DNAH6: variants seen among roughly 807,000 people sequenced by gnomAD.
The protein encoded by DNAH6 is dynein axonemal heavy chain 6.
A neutral mutation model predicts 491.4 loss-of-function variants in DNAH6; 340 were observed. The observed-to-expected ratio is 0.69, with a 90% CI of 0.63 to 0.76. DNAH6 has a LOEUF of 0.76. Among genes scored for constraint, DNAH6 ranks in the 30% least tolerant of loss-of-function variants. The pLI, the probability that DNAH6 is intolerant of heterozygous loss-of-function variation, is 0.00. For missense variants in DNAH6, 4,443 were observed against 4,972.2 expected (o/e 0.89, Z 3.20); for synonymous variants, 1,603 against 1,686.1 (o/e 0.95, Z 1.21).
In DNAH6 at chr2:84,648,954, A is replaced by G. The variant is rs147700743; in HGVS notation, c.5079-4365A>G. On this transcript the variant is annotated intron_variant, in intron 33 of 76. Coordinates refer to ENST00000389394, the MANE Select transcript of DNAH6 (RefSeq NM_001370.2). ...AGAGTCGATGAACGTGGCAAACATT[A>G]TTGTCTTATTTTAAGAAATTGCCAC... 1.8e-3 allele frequency among the ~76,000 whole-genome samples: 276 copies of G among 152,278 alleles called. 1 individual carries two copies. The highest frequency in any genetic ancestry group is 6.5e-3 in the African/African-American group (272 of 41,556).
At chr2:84,527,877 G>T (rs796472994) in intron 3 of DNAH6, among the ~76,000 whole-genome samples, 109 of 152,276 alleles carry the variant, frequency 7.2e-4, no homozygotes, top group African/African-American at 2.5e-3. Flanking sequence ...TGCCAGCTAT[G>T]TTAATAGGCA....
At chr2:84,486,096 T>C in the DNAH6 span, among the ~76,000 whole-genome samples, 1 of 152,172 alleles carries the variant, frequency 6.6e-6, no homozygotes, top group Non-Finnish European at 1.5e-5. Flanking sequence ...TGTGATAATA[T>C]GGAAAATATT....
intron 62 of DNAH6, among the ~76,000 whole-genome samples, chr2:84,744,111 C>G (rs1219554400): frequency 2.0e-5 from 3 of 152,088 alleles, no homozygotes; most frequent in Non-Finnish European, 2.9e-5. Context: ...GAACACTACC[C>G]CAAGGCCATG....
intron 37 of DNAH6, among the ~76,000 whole-genome samples, chr2:84,660,574 A>C (rs190703400): frequency 1.2e-3 from 190 of 152,260 alleles, no homozygotes; most frequent in Non-Finnish European, 2.2e-3. Flanking sequence ...TAGTGGGTAG[A>C]GGTTTCATGA....
At chr2:84,468,219 A>G in the DNAH6 span, among the ~76,000 whole-genome samples, 3 of 152,364 alleles carry the variant, frequency 2.0e-5, no homozygotes, top group South Asian at 6.2e-4. Flanking sequence ...GCAATTAATT[A>G]GAGTTTTTTT....
chr2:84,744,644 A>G (rs1400184124), intron 62 of DNAH6, among the ~76,000 whole-genome samples: 3 of 151,884 alleles, frequency 2.0e-5, no homozygotes, highest in African/African-American at 7.3e-5. Flanking sequence ...ACATATTTTT[A>G]TGCTATTTTC....
chr2:84,502,158 T>C, the DNAH6 span, among the ~76,000 whole-genome samples: 2 of 152,170 alleles, frequency 1.3e-5, no homozygotes, highest in Non-Finnish European at 2.9e-5. Flanking sequence ...TAGGCACTTA[T>C]AGCTATAAAC....
chr2:84,486,111 C>T, the DNAH6 span, among the ~76,000 whole-genome samples: 2 of 152,098 alleles, frequency 1.3e-5, no homozygotes, highest in Non-Finnish European at 2.9e-5. Context: ...AATATTTTAT[C>T]TTAGCTGGTA....
intron 2 of DNAH6, among the ~76,000 whole-genome samples, chr2:84,518,503 T>C (rs148927440): frequency 1.8e-3 from 276 of 152,354 alleles, no homozygotes; most frequent in African/African-American, 6.4e-3. Flanking sequence ...CTTGGATAAT[T>C]ATAAACGCAT....
chr2:84,745,391 C>G, intron 63 of DNAH6, 142 bp downstream of exon 63: 2 of 622,842 alleles, frequency 3.2e-6, no homozygotes, highest in South Asian at 7.0e-5. Context: ...ATGGGCCGAG[C>G]GCCGTGGCTC....
intron 37 of DNAH6, among the ~76,000 whole-genome samples, chr2:84,660,967 A>G (rs1172325434): frequency 6.6e-6 from 1 of 152,168 alleles, no homozygotes; most frequent in African/African-American, 2.4e-5. Context: ...AAATATAGCT[A>G]TAAATTATAT....
rs575159103 is a variant in DNAH6 at position 84,795,776 on chromosome 2, A to G, written c.11240-530A>G. On this transcript the variant is annotated intron_variant, in intron 68 of 76. Coordinates refer to ENST00000389394, the MANE Select transcript of DNAH6 (RefSeq NM_001370.2). The stretch of plus-strand genomic sequence containing the variant: ...CTGTGGAAAGAGAGATGGGATACCA[A>G]TCAGTTATAATTCCTTATAATTACT... 7.9e-5 allele frequency among the ~76,000 whole-genome samples: 12 copies of G among 152,366 alleles called. No homozygotes were observed. The East Asian group carries it at 2.3e-3, about 29-fold the overall frequency.
intron 51 of DNAH6, 53 bp from the exon 52 acceptor site, chr2:84,705,433 G>A: frequency 7.1e-7 from 1 of 1,414,362 alleles, no homozygotes; most frequent in Non-Finnish European, 9.4e-7. Context: ...ACATTCTTTT[G>A]TTCTTATATT....
intron 55 of DNAH6, among the ~76,000 whole-genome samples, chr2:84,709,757 G>A (rs544839634): frequency 6.6e-6 from 1 of 152,266 alleles, no homozygotes; most frequent in South Asian, 2.1e-4. Context: ...AAGTGCTCCC[G>A]TACTTGATTT....
rs939977374 is a variant in DNAH6 at position 84,709,357 on chromosome 2, G to C, written c.9063G>C (p.Trp3021Cys). Reference protein sequence around the residue: ...AQYRQSLIECWIQDCQSLEIP... With the variant: ...AQYRQSLIECCIQDCQSLEIP... ...CCCTTCTACAGCTTATAGAGTGTTG[G>C]ATCCAGGACTGTCAGTCTCTGGAGA... Residue 3021 changes from tryptophan to cysteine, a missense_variant, in exon 55 of 77, where the codon TGG becomes TGC. By Grantham distance (215) the Trp-to-Cys change is radical (BLOSUM62 -2). Transcript: ENST00000389394. 4 of 1,551,572 alleles carry C rather than the reference G, an allele frequency of 2.6e-6. No individual in the cohort carries two copies. Among genetic ancestry groups the C allele is most frequent in the South Asian group, 1.2e-5 (1 of 84,052 alleles).
chr2:84,552,872 C>G, intron 9 of DNAH6, 46 bp from the exon 10 acceptor site: 1 of 1,109,902 alleles, frequency 9.0e-7, no homozygotes, highest in Non-Finnish European at 1.3e-6. Flanking sequence ...TTGTTTTAGA[C>G]CTTGATACTT....
chr2:84,737,957 C>G (rs770841768), intron 62 of DNAH6, among the ~76,000 whole-genome samples: 31 of 151,916 alleles, frequency 2.0e-4, no homozygotes, highest in Non-Finnish European at 4.1e-4. Flanking sequence ...TTCTCGATGT[C>G]ATTTCTAACT....
At chr2:84,500,217 G>C in the DNAH6 span, among the ~76,000 whole-genome samples, 1 of 152,146 alleles carries the variant, frequency 6.6e-6, no homozygotes, top group Admixed American at 6.5e-5. Flanking sequence ...TATATGGTGA[G>C]AGATGGGGGT....
chr2:84,561,944 A>C lies in DNAH6; in HGVS notation c.1803+4009A>C, dbSNP rs559935928. Among the ~76,000 whole-genome samples the C allele has an allele frequency of 3.7e-4, 57 of 152,274 alleles. No individual in the cohort carries two copies. In the South Asian group the frequency reaches 7.9e-3, roughly 21 times the overall value. On this transcript the variant is annotated intron_variant, in intron 11 of 76. Coordinates refer to ENST00000389394, the MANE Select transcript of DNAH6 (RefSeq NM_001370.2). ...TCTAGCTAAGAAATAACTTTGGGGG[A>C]AAAAAGCTGATGCTGATGGGGAATA...
Sources: allele counts gnomAD v4.1 joint callset (sites outside exome capture counted in the v4.1 genomes callset), GRCh38; gene constraint gnomAD v4.1.1; transcripts MANE v1.5; gene names NCBI Gene and HGNC (gene_info 2026-07-23, HGNC 2026-07-21).